Variants in LRRC4C observed in about 807,000 individuals in gnomAD.
LRRC4C encodes leucine-rich repeat-containing protein 4C.
A neutral mutation model predicts 33.6 loss-of-function variants in LRRC4C; 5 were observed. The ratio of observed to expected loss-of-function variants is 0.15; its 90% CI spans 0.08 to 0.31. LRRC4C has a LOEUF of 0.31. Ranked by LOEUF, LRRC4C falls within the 10% of genes least tolerant of loss-of-function variation. The pLI, the probability that LRRC4C is intolerant of heterozygous loss-of-function variation, is 1.00. For missense variants in LRRC4C, 560 were observed against 796.7 expected (o/e 0.70, Z 3.58); for synonymous variants, 329 against 302.0 (o/e 1.09, Z -0.93).
intron 6 of LRRC4C, among the ~76,000 whole-genome samples, chr11:40,123,566 T>TA (rs1263629591): frequency 3.9e-5 from 6 of 152,000 alleles, no homozygotes; most frequent in Non-Finnish European, 7.4e-5. Context: ...TATAGAACAT[T>TA]AATGAAAGAA....
intron 1 of LRRC4C, among the ~76,000 whole-genome samples, chr11:41,184,405 C>T (rs1469434505): frequency 2.6e-5 from 4 of 152,184 alleles, no homozygotes; most frequent in African/African-American, 7.2e-5. Context: ...CTGCCAAATA[C>T]CCTAAATCAT....
At chr11:40,569,339 AGCC>A (rs901371427) in intron 3 of LRRC4C, among the ~76,000 whole-genome samples, 1 of 152,176 alleles carries the variant, frequency 6.6e-6, no homozygotes, top group African/African-American at 2.4e-5. Context: ...AATGTAATTA[AGCC>A]AGAAGAAATT....
intron 3 of LRRC4C, among the ~76,000 whole-genome samples, chr11:40,429,568 T>TAAAAAAAAAAAAAAAAAAAAAAA (rs59538764): frequency 6.8e-6 from 1 of 147,696 alleles, no homozygotes; most frequent in African/African-American, 2.5e-5. Context: ...GCAATAATAA[T>TAAAAAAAAAAAAAAAAAAAAAAA]AAAAAAAAAA....
intron 3 of LRRC4C, among the ~76,000 whole-genome samples, chr11:40,498,121 G>A (rs941694882): frequency 7.2e-5 from 11 of 152,028 alleles, no homozygotes; most frequent in African/African-American, 2.7e-4. Flanking sequence ...GAGACCACCC[G>A]CTACCAGGTA....
intron 1 of LRRC4C, among the ~76,000 whole-genome samples, chr11:41,226,741 T>TACTTACAC (rs376213245): frequency 1.5e-5 from 2 of 137,082 alleles, no homozygotes; most frequent in African/African-American, 5.6e-5. Context: ...TCCTTACCAT[T>TACTTACAC]ACACACACAC....
chr11:41,048,355 C>T (rs1486679645), intron 1 of LRRC4C, among the ~76,000 whole-genome samples: 1 of 150,258 alleles, frequency 6.7e-6, no homozygotes, highest in Non-Finnish European at 1.5e-5. Context: ...ACCTCCGACT[C>T]CCTGATTCAA....
chr11:40,463,095 G>A (rs1333084553), intron 3 of LRRC4C, among the ~76,000 whole-genome samples: 1 of 152,104 alleles, frequency 6.6e-6, no homozygotes, highest in African/African-American at 2.4e-5. Flanking sequence ...AAGGGGATGG[G>A]AGATGCTGAC....
intron 1 of LRRC4C, among the ~76,000 whole-genome samples, chr11:41,185,243 TGA>T (rs1462347207): frequency 2.6e-5 from 4 of 152,270 alleles, no homozygotes; most frequent in East Asian, 3.9e-4. Context: ...TATGAGTTGG[TGA>T]GAGTCTATTC....
intron 3 of LRRC4C, among the ~76,000 whole-genome samples, chr11:40,536,188 C>G (rs1168656149): frequency 6.7e-6 from 1 of 149,472 alleles, no homozygotes; most frequent in Non-Finnish European, 1.5e-5. Flanking sequence ...TGAACAGCCT[C>G]TTTTTTTTTT....
At chr11:41,119,208 T>C (rs1942299294) in intron 1 of LRRC4C, among the ~76,000 whole-genome samples, 1 of 152,180 alleles carries the variant, frequency 6.6e-6, no homozygotes, top group African/African-American at 2.4e-5. Flanking sequence ...TCAGGCACTG[T>C]TTTAAGTACA....
intron 1 of LRRC4C, among the ~76,000 whole-genome samples, chr11:41,137,685 A>T (rs953636256): frequency 6.6e-6 from 1 of 152,130 alleles, no homozygotes; most frequent in African/African-American, 2.4e-5. Context: ...TTTATAAAAC[A>T]TGTGGAGAAA....
chr11:40,601,126 T>G (rs1045002140), intron 3 of LRRC4C, among the ~76,000 whole-genome samples: 1 of 152,230 alleles, frequency 6.6e-6, no homozygotes, highest in Non-Finnish European at 1.5e-5. Flanking sequence ...CTTCACCATC[T>G]AGACTTTACT....
At chr11:41,241,519 G>A (rs1421124508) in intron 1 of LRRC4C, among the ~76,000 whole-genome samples, 1 of 152,118 alleles carries the variant, frequency 6.6e-6, no homozygotes, top group Non-Finnish European at 1.5e-5. Flanking sequence ...TCAATGGAGA[G>A]TCAGAAATTT....
rs149857894 is a variant in LRRC4C at position 40,986,717 on chromosome 11, C to T, written c.-495-52994G>A. ...TAGCTCTGTATCTTTGCTGTTCCAT[C>T]ATAAAAAAACAAGAACAGTGATGAG... is the stretch of plus-strand genomic sequence containing the variant. On this transcript the variant is annotated intron_variant, in intron 1 of 6. Coordinates refer to ENST00000528697, the MANE Select transcript of LRRC4C (RefSeq NM_001258419.2). 2.6e-5 allele frequency among the ~76,000 whole-genome samples: 4 copies of T among 152,122 alleles called. No homozygotes were observed. In the East Asian group the frequency reaches 5.8e-4, roughly 22 times the overall value.
At chr11:40,723,946 G>A (rs1947158057) in intron 2 of LRRC4C, among the ~76,000 whole-genome samples, 1 of 151,772 alleles carries the variant, frequency 6.6e-6, no homozygotes, top group African/African-American at 2.4e-5. Context: ...TTTTTAAAAA[G>A]CAGGGATTGG....
intron 3 of LRRC4C, among the ~76,000 whole-genome samples, chr11:40,375,881 A>G (rs138024752): frequency 1.0e-3 from 154 of 152,232 alleles, no homozygotes; most frequent in African/African-American, 2.4e-3. Context: ...AGCCATGAAT[A>G]TTTATCAAGT....
intron 1 of LRRC4C, among the ~76,000 whole-genome samples, chr11:41,239,871 G>T (rs374933898): frequency 6.6e-6 from 1 of 151,946 alleles, no homozygotes; most frequent in African/African-American, 2.4e-5. Context: ...TATTATTTTC[G>T]TTCATTCATC....
chr11:40,544,514 G>A (rs1000379497), intron 3 of LRRC4C, among the ~76,000 whole-genome samples: 6 of 152,034 alleles, frequency 3.9e-5, no homozygotes, highest in Non-Finnish European at 8.8e-5. Context: ...TTACATATAT[G>A]TAAATTCAGG....
At chr11:40,189,016 G>A (rs370468205) in intron 5 of LRRC4C, among the ~76,000 whole-genome samples, 6 of 152,236 alleles carry the variant, frequency 3.9e-5, no homozygotes, top group Non-Finnish European at 8.8e-5. Context: ...GGGCAAACAC[G>A]ATTGTGTGTC....
Sources: allele counts gnomAD v4.1 joint callset (sites outside exome capture counted in the v4.1 genomes callset), GRCh38; gene constraint gnomAD v4.1.1; transcripts MANE v1.5; gene names NCBI Gene and HGNC (gene_info 2026-07-23, HGNC 2026-07-21).